NDRG3: variants seen among roughly 807,000 people sequenced by gnomAD.
NDRG3 encodes protein NDRG3.
In NDRG3, 23 loss-of-function variants were observed where a neutral mutation model predicts 57.2. The ratio of observed to expected loss-of-function variants is 0.40; its 90% CI spans 0.29 to 0.57. The LOEUF is 0.57. Ranked by LOEUF, NDRG3 falls within the 20% of genes least tolerant of loss-of-function variation. The pLI is 0.42. For synonymous variants in NDRG3, 132 were observed against 162.6 expected, an observed-to-expected ratio of 0.81 and a Z score of 1.43; for missense variants, 384 against 457.3, an observed-to-expected ratio of 0.84 and a Z score of 1.46.
At position 36,654,089 on chromosome 20, in the gene NDRG3, G is replaced by A. The variant is rs527910078; in HGVS notation, c.947-388C>T. Among the ~76,000 whole-genome samples, 3 of 152,314 alleles carry A rather than the reference G, an allele frequency of 2.0e-5. No individual in the cohort carries two copies. In the East Asian group the frequency reaches 5.8e-4, roughly 29 times the overall value. On this transcript the variant is annotated intron_variant, in intron 15 of 15. Coordinates refer to ENST00000349004, the MANE Select transcript of NDRG3 (RefSeq NM_032013.4). Reference sequence around the variant, plus strand: ...AAAGAAAAGAAAGACACACACACAAGTATGAAGGTGTTTCACAAACACAGT... The same window carrying A: ...AAAGAAAAGAAAGACACACACACAAATATGAAGGTGTTTCACAAACACAGT...
chr20:36,700,073 C>T (rs1188933880), intron 3 of NDRG3, among the ~76,000 whole-genome samples: 2 of 147,720 alleles, frequency 1.4e-5, no homozygotes, highest in Non-Finnish European at 3.0e-5. Flanking sequence ...AAGATCACAC[C>T]GCTGCACTCC....
Position 36,653,000 on chromosome 20 carries a change from G to A in NDRG3, c.*520C>T, listed in dbSNP as rs1047814098. On this transcript the variant is annotated 3_prime_UTR_variant, in exon 16 of 16. Coordinates refer to ENST00000349004, the MANE Select transcript of NDRG3 (RefSeq NM_032013.4). ...AGCTGCTCTCTCCTGAAATCACTTT[G>A]CAAATTTTGTTGACCAATTTGCAAA... 1 of 152,628 alleles carries A rather than the reference G, an allele frequency of 6.6e-6. No homozygotes were observed. The highest frequency in any genetic ancestry group is 1.5e-5 in the Non-Finnish European group (1 of 68,098). 9.5% of individuals were successfully genotyped at this position (152,628 alleles called of 1,614,324 possible).
chr20:36,675,959 G>A (rs1338745199), intron 8 of NDRG3, among the ~76,000 whole-genome samples: 4 of 152,108 alleles, frequency 2.6e-5, no homozygotes, highest in East Asian at 3.9e-4. Flanking sequence ...TGAGATTAAC[G>A]GCTGGGCGCG....
At chr20:36,696,083 C>T (rs148425677) in intron 3 of NDRG3, among the ~76,000 whole-genome samples, 1 of 152,270 alleles carries the variant, frequency 6.6e-6, no homozygotes, top group African/African-American at 2.4e-5. Context: ...CCCCCGATAG[C>T]CCAGGCTGGC....
intron 3 of NDRG3, chr20:36,700,540 T>C (rs1055871626): frequency 1.9e-6 from 1 of 524,250 alleles, no homozygotes; most frequent in South Asian, 1.4e-5. Flanking sequence ...AAGGAGCTGA[T>C]TCAGTTGTCA....
chr20:36,733,414 G>A (rs756551500), intron 1 of NDRG3, among the ~76,000 whole-genome samples: 1 of 151,818 alleles, frequency 6.6e-6, no homozygotes, highest in Non-Finnish European at 1.5e-5. Context: ...CAAGATTGCA[G>A]ACAGACAACC....
chr20:36,729,216 A>C (rs953114045), intron 1 of NDRG3, among the ~76,000 whole-genome samples: 1 of 152,170 alleles, frequency 6.6e-6, no homozygotes, highest in African/African-American at 2.4e-5. Context: ...TGAAGCTCTG[A>C]GTCATCACAC....
At chr20:36,744,305 G>A (rs1269323848) in intron 1 of NDRG3, among the ~76,000 whole-genome samples, 1 of 152,082 alleles carries the variant, frequency 6.6e-6, no homozygotes, top group East Asian at 1.9e-4. Flanking sequence ...AGTTTAATCT[G>A]AAGGAAGAGA....
intron 1 of NDRG3, among the ~76,000 whole-genome samples, chr20:36,741,187 G>A (rs1985911816): frequency 6.6e-6 from 1 of 151,694 alleles, no homozygotes; most frequent in Non-Finnish European, 1.5e-5. Context: ...CTTCTTACCC[G>A]GATTTGTTCA....
intron 4 of NDRG3, among the ~76,000 whole-genome samples, chr20:36,688,215 C>G (rs890676201): frequency 6.6e-6 from 1 of 152,224 alleles, no homozygotes; most frequent in African/African-American, 2.4e-5. Context: ...TATGCAGACT[C>G]TGTGTGTCTA....
intron 12 of NDRG3, among the ~76,000 whole-genome samples, chr20:36,660,852 G>A (rs1979146650): frequency 6.6e-6 from 1 of 152,134 alleles, no homozygotes; most frequent in Non-Finnish European, 1.5e-5. Context: ...GAGCCACCGC[G>A]CCCGGCCCGG....
intron 1 of NDRG3, among the ~76,000 whole-genome samples, chr20:36,729,094 T>C (rs933581566): frequency 2.0e-5 from 3 of 152,136 alleles, no homozygotes; most frequent in Admixed American, 1.3e-4. Flanking sequence ...CATCTACTGA[T>C]TGTAGGACCC....
chr20:36,666,355 T>C lies in NDRG3; in HGVS notation c.626A>G (p.Tyr209Cys). 6.2e-7 allele frequency: 1 copy of C among 1,614,118 alleles called. No individual in the cohort carries two copies. Among genetic ancestry groups the C allele is most frequent in the Non-Finnish European group, 8.5e-7 (1 of 1,179,952 alleles). ...GATGTCTTGGGCAATATGCATTCTG[T>C]AGGTTTGGATCAGGTCCAGGTTGGC... ...LQANLDLIQT[Y>C]RMHIAQDINQ... The change falls in exon 10 of 16, where the codon TAC becomes TGC. Residue 209 changes from tyrosine (Y) to cysteine (C), a missense_variant. Tyr to Cys is a radical substitution (Grantham distance 194, BLOSUM62 -2). Transcript: ENST00000349004.
intron 4 of NDRG3, among the ~76,000 whole-genome samples, chr20:36,688,128 A>G (rs1238979080): frequency 6.6e-6 from 1 of 152,270 alleles, no homozygotes; most frequent in Non-Finnish European, 1.5e-5. Flanking sequence ...AGGCAGCTAC[A>G]AAAGCTTTAA....
At chr20:36,673,376 CAG>C (rs1003380894) in intron 8 of NDRG3, among the ~76,000 whole-genome samples, 3 of 151,918 alleles carry the variant, frequency 2.0e-5, no homozygotes, top group Admixed American at 2.0e-4. Context: ...TACGAAAAAA[CAG>C]AATACAAAAG....
At chr20:36,700,689 A>C (rs937993616) in intron 3 of NDRG3, 4 of 321,052 alleles carry the variant, frequency 1.2e-5, no homozygotes, top group Non-Finnish European at 2.4e-5. Flanking sequence ...CCTGTGCTCA[A>C]AGAGCACAGT....
At chr20:36,666,050 A>G (rs1979604655) in intron 10 of NDRG3, among the ~76,000 whole-genome samples, 1 of 152,184 alleles carries the variant, frequency 6.6e-6, no homozygotes. Flanking sequence ...CAGAGGAAAG[A>G]GCTAAAGAGA....
chr20:36,674,445 C>T (rs904718801), intron 8 of NDRG3, among the ~76,000 whole-genome samples: 18 of 151,914 alleles, frequency 1.2e-4, no homozygotes, highest in African/African-American at 4.4e-4. Flanking sequence ...TCAGGTGATC[C>T]GCCCACCTCG....
chr20:36,730,618 G>A (rs1985225083), intron 1 of NDRG3, among the ~76,000 whole-genome samples: 1 of 151,998 alleles, frequency 6.6e-6, no homozygotes, highest in South Asian at 2.1e-4. Flanking sequence ...TAAAAAAAAA[G>A]GAGGGGGAGC....
Sources: allele counts gnomAD v4.1 joint callset (sites outside exome capture counted in the v4.1 genomes callset), GRCh38; gene constraint gnomAD v4.1.1; transcripts MANE v1.5; gene names NCBI Gene and HGNC (gene_info 2026-07-23, HGNC 2026-07-21).